SIRT7: variants seen among roughly 807,000 people sequenced by gnomAD.
SIRT7 encodes the protein NAD-dependent protein deacetylase sirtuin-7.
A neutral mutation model predicts 42.8 loss-of-function variants in SIRT7; 32 were observed. The ratio of observed to expected loss-of-function variants is 0.75; its 90% CI spans 0.56 to 1.00. The LOEUF (loss-of-function observed/expected upper bound fraction) is 1.00. Ranked by LOEUF, SIRT7 falls within the 50% of genes least tolerant of loss-of-function variation. The pLI is 0.00. For missense variants in SIRT7, 553 were observed against 572.2 expected, an observed-to-expected ratio of 0.97 and a Z score of 0.34; for synonymous variants, 297 against 245.2, an observed-to-expected ratio of 1.21 and a Z score of -1.97.
At position 81,917,926 on chromosome 17, in the gene SIRT7, G is replaced by A. The variant is rs772549818; in HGVS notation, c.135C>T (p.Ala45=). ...ILRKAAAERS[A]EEGRLLAESA... Reference sequence around the variant, plus strand: ...TCTCGGCCAGCAGCCGGCCCTCCTCGGCGCTGCGCTCCGCCGCCGCCTTCC... The same window carrying A: ...TCTCGGCCAGCAGCCGGCCCTCCTCAGCGCTGCGCTCCGCCGCCGCCTTCC... The change falls in exon 2 of 10, where the codon GCC becomes GCT. Residue 45 remains alanine, a synonymous_variant. Coordinates refer to ENST00000328666, the MANE Select transcript of SIRT7 (RefSeq NM_016538.3). The A allele has an allele frequency of 1.4e-6, 2 of 1,397,426 alleles. No homozygotes were observed. The highest frequency in any genetic ancestry group is 3.1e-5 in the South Asian group (2 of 63,510). The allele number at this position is 1,397,426 out of a possible 1,614,324, so 86.6% of individuals were successfully genotyped here. A position where few individuals can be genotyped will look rare whatever the true frequency, so the allele number is the denominator to read the frequency against.
Position 81,912,600 on chromosome 17 carries a change from A to G in SIRT7, c.1019T>C (p.Ile340Thr). The part of the protein sequence containing the change: ...IPAYSRWQDP[I>T]FSLATPLRAG... ...ACGCAGGGGAGTCGCCAGTGAGAAA[A>G]TGGGATCCTGCCACCTGCCAAAAAG... is the stretch of plus-strand genomic sequence containing the variant. Residue 340 changes from isoleucine (I) to threonine (T), a missense_variant, in exon 10 of 10, where the codon ATT becomes ACT. Ile to Thr is a moderately conservative substitution (Grantham distance 89). Coordinates refer to ENST00000328666, the MANE Select transcript of SIRT7 (RefSeq NM_016538.3). The G allele has an allele frequency of 6.2e-7, 1 of 1,613,216 alleles. No individual in the cohort carries two copies. The highest frequency in any genetic ancestry group is 8.5e-7 in the Non-Finnish European group (1 of 1,179,884).
Position 81,914,032 on chromosome 17 carries a change from G to C in SIRT7, c.897+55C>G. 3 of 1,602,002 alleles carry C rather than the reference G, an allele frequency of 1.9e-6. No individual in the cohort carries two copies. In the South Asian group the frequency reaches 3.3e-5, roughly 18 times the overall value. On this transcript the variant is annotated intron_variant, in intron 8 of 9. Transcript: ENST00000328666. ...TGGTGCATGGGTGTGGGGTGTCTCT[G>C]GCTGTGCGTTCTAAGACCCAGATCT...
intron 3 of SIRT7, 179 bp downstream of exon 3, chr17:81,917,436 G>T (rs1055634681): frequency 3.8e-6 from 2 of 528,544 alleles, no homozygotes; most frequent in Non-Finnish European, 6.2e-6. Flanking sequence ...TCTACTCCTT[G>T]TTTTTTTTAA....
Position 81,912,187 on chromosome 17 carries a change from C to A in SIRT7, c.*229G>T. On this transcript the variant is annotated 3_prime_UTR_variant, in exon 10 of 10. Transcript: ENST00000328666. ...CGTTCTCACAGAAAGGTGCGGCTGC[C>A]ACCTCTTGACACAGAGGCCGGATGG... is the stretch of plus-strand genomic sequence containing the variant. 1 of 593,488 alleles carries A rather than the reference C, an allele frequency of 1.7e-6. No homozygotes were observed. The highest frequency in any genetic ancestry group is 3.0e-6 in the Non-Finnish European group (1 of 335,820). 36.8% of individuals were successfully genotyped at this position (593,488 alleles called of 1,614,324 possible).
At chr17:81,918,007 C>T (rs4584878) in intron 1 of SIRT7, 32 bp downstream of exon 1, 11 of 1,388,230 alleles carry the variant, frequency 7.9e-6, no homozygotes, top group Non-Finnish European at 6.5e-6. Context: ...GCGGGCCGGG[C>T]ATGGCCGGGC....
At chr17:81,917,581 C>A in intron 3 of SIRT7, 34 bp downstream of exon 3, 1 of 1,533,598 alleles carries the variant, frequency 6.5e-7, no homozygotes, top group Middle Eastern at 1.7e-4. Context: ...AGCTCATACT[C>A]CGTCCTGGGG....
chr17:81,915,446 CTGCTCATGCAGACGGGTGA>C lies in SIRT7; in HGVS notation c.455_473del (p.Ile152ArgfsTer17). On this transcript the variant is annotated frameshift_variant, in exon 5 of 10. Coordinates refer to ENST00000328666, the MANE Select transcript of SIRT7 (RefSeq NM_016538.3). LOFTEE classifies it high-confidence loss of function. ...AGCCACCCAGGGCTCTTACCAGCTT[CTGCTCATGCAGACGGGTGA>C]TGCTCATGTGGGTGAGGGTTGGCTC... The C allele has an allele frequency of 6.2e-7, 1 of 1,613,058 alleles. No homozygotes were observed. The highest frequency in any genetic ancestry group is 8.5e-7 in the Non-Finnish European group (1 of 1,179,676).
In SIRT7 at chr17:81,915,024, A is replaced by G. The variant is rs577308130; in HGVS notation, c.481-322T>C. On this transcript the variant is annotated intron_variant, in intron 5 of 9. Transcript: ENST00000328666. ...GCAAGGGCCACTCTGCCCCAGATCC[A>G]TGCTCTCTTGGGTCATGACATTTCA... 876 of 498,410 alleles carry G rather than the reference A, an allele frequency of 1.8e-3. 16 individuals carry two copies. Among genetic ancestry groups the G allele is most frequent in the South Asian group, 0.017 (829 of 48,040 alleles). The allele number at this position is 498,410 out of a possible 1,614,324, so 30.9% of individuals were successfully genotyped here.
rs1425370108 is a variant in SIRT7 at position 81,917,660 on chromosome 17, C to G, written c.291G>C (p.Arg97=). 6.2e-7 allele frequency: 1 copy of G among 1,608,146 alleles called. No individual in the cohort carries two copies. The highest frequency in any genetic ancestry group is 8.5e-7 in the Non-Finnish European group (1 of 1,177,828). ...TGTAGACGACCAAGTATTTGGCGTT[C>G]CGGACGGCGCTGGCCAGCTCCCGGA... The part of the protein sequence containing the change: ...GKVRELASAV[R]NAKYLVVYTG... Residue 97 remains arginine, a synonymous_variant, in exon 3 of 10, where the codon CGG becomes CGC. Transcript: ENST00000328666.
chr17:81,915,857 T>G (rs1455056967), intron 3 of SIRT7, 176 bp from the exon 4 acceptor site: 4 of 680,508 alleles, frequency 5.9e-6, no homozygotes, highest in Middle Eastern at 7.9e-4. Context: ...GTACCCCAAT[T>G]CGGCTCCTCC....
At chr17:81,912,690 T>G in intron 9 of SIRT7, 76 bp from the exon 10 acceptor site, 1 of 1,475,302 alleles carries the variant, frequency 6.8e-7, no homozygotes, top group Non-Finnish European at 9.3e-7. Flanking sequence ...TCGGGAAAGC[T>G]GTCTGCGGTC....
rs1451328837 is a variant in SIRT7 at position 81,918,054 on chromosome 17, C to T, written c.78G>A (p.Arg26=). The change falls in exon 1 of 10, where the codon AGG becomes AGA. Residue 26 remains arginine, a synonymous_variant. Transcript: ENST00000328666. ...GGCGGCGTACCTGGCGGAGGCGCTCCCTCTGCTGCTCCTCCCGCAACCTCC... is the reference window on the plus strand; with the variant it reads ...GGCGGCGTACCTGGCGGAGGCGCTCTCTCTGCTGCTCCTCCCGCAACCTCC... ...RVRRLREEQQ[R]ERLRQVSRIL... 4 of 1,523,326 alleles carry T rather than the reference C, an allele frequency of 2.6e-6. No homozygotes were observed. Among genetic ancestry groups the T allele is most frequent in the Non-Finnish European group, 3.5e-6 (4 of 1,144,786 alleles). 94.4% of individuals were successfully genotyped at this position (1,523,326 alleles called of 1,614,324 possible).
chr17:81,912,265 G>A lies in SIRT7; in HGVS notation c.*151C>T. ...TCAGGGTACAACCGCAGCAGTGCAA[G>A]GGGCTTCCTCAAGGACAAATGGCTA... On this transcript the variant is annotated 3_prime_UTR_variant, in exon 10 of 10. Transcript: ENST00000328666. 1.0e-6 allele frequency: 1 copy of A among 971,404 alleles called. No individual in the cohort carries two copies. The highest frequency in any genetic ancestry group is 2.4e-5 in the East Asian group (1 of 40,906). The allele number at this position is 971,404 out of a possible 1,614,324, so 60.2% of individuals were successfully genotyped here.
At chr17:81,915,208 A>C (rs894227753) in intron 5 of SIRT7, 1 of 590,214 alleles carries the variant, frequency 1.7e-6, no homozygotes, top group Admixed American at 3.0e-5. Context: ...AAAGGCCACC[A>C]GCAGCTCTGA....
Position 81,913,394 on chromosome 17 carries a change from T to C in SIRT7, c.1004+380A>G, listed in dbSNP as rs753993790. On this transcript the variant is annotated intron_variant, in intron 9 of 9. Transcript: ENST00000328666. The surrounding 1 kb of genome is among the most constrained non-coding windows in gnomAD (Gnocchi z 5.0). ...GTATTAAGGCACAGTTTGTTTAAGCTTTCCCAAAGTACGCCAACTCCCAAA... is the reference window on the plus strand; with the variant it reads ...GTATTAAGGCACAGTTTGTTTAAGCCTTCCCAAAGTACGCCAACTCCCAAA... 1.1e-4 allele frequency: 51 copies of C among 449,584 alleles called. No homozygotes were observed. Among genetic ancestry groups the C allele is most frequent in the Non-Finnish European group, 2.0e-4 (46 of 227,184 alleles). 27.8% of individuals were successfully genotyped at this position (449,584 alleles called of 1,614,324 possible). A position where few individuals can be genotyped will look rare whatever the true frequency, so the allele number is the denominator to read the frequency against.
In SIRT7 at chr17:81,913,922, C is replaced by T. The variant is rs2040741334; in HGVS notation, c.898-42G>A. ...CCGAGTGAGAGTAACAGCAGCCCAA[C>T]CCTTCCCGGTGGCCTGTCAGCCTTG... On this transcript the variant is annotated intron_variant, in intron 8 of 9. Coordinates refer to ENST00000328666, the MANE Select transcript of SIRT7 (RefSeq NM_016538.3). The surrounding 1 kb of genome is among the most constrained non-coding windows in gnomAD (Gnocchi z 5.0). 1.9e-6 allele frequency: 3 copies of T among 1,545,150 alleles called. No homozygotes were observed. The highest frequency in any genetic ancestry group is 2.0e-5 in the Admixed American group (1 of 51,232).
chr17:81,914,265 G>C, intron 7 of SIRT7, 29 bp downstream of exon 7: 1 of 1,611,900 alleles, frequency 6.2e-7, no homozygotes, highest in East Asian at 2.2e-5. Context: ...GCAGGGGCTC[G>C]GTTCACTCAT....
chr17:81,916,207 GA>G (rs1353780556), intron 3 of SIRT7: 1 of 160,832 alleles, frequency 6.2e-6, no homozygotes, highest in Non-Finnish European at 1.4e-5. Context: ...TCAATCCTGT[GA>G]AACAAACTGA....
At chr17:81,914,064 G>C (rs376317318) in intron 8 of SIRT7, 23 bp downstream of exon 8, 3 of 1,612,516 alleles carry the variant, frequency 1.9e-6, no homozygotes, top group Non-Finnish European at 1.7e-6. Context: ...ATCTAAGGAC[G>C]TGGCTCTCAG....
Sources: gnomAD v4.1 joint callset for allele counts on GRCh38, gnomAD v4.1.1 for gene constraint, Gnocchi (gnomAD v3.1) non-coding constraint, MANE v1.5 for transcripts, NCBI Gene and HGNC (gene_info 2026-07-23, HGNC 2026-07-21) for gene names.